The following ZNF99 variants were observed in gnomAD, a reference collection of about 807,000 sequenced individuals.
ZNF99 encodes zinc finger protein 99, also known as zinc finger protein ENSP00000375192.
In ZNF99, 8 loss-of-function variants were observed where a neutral mutation model predicts 12.8. That is an observed-to-expected ratio of 0.62 (90% confidence interval 0.37 to 1.13). The LOEUF (loss-of-function observed/expected upper bound fraction) is 1.13. Ranked by LOEUF, ZNF99 falls within the 50% of genes most tolerant of loss-of-function variation. The pLI is 0.02. For missense variants in ZNF99, 1,007 were observed against 1,006.2 expected (o/e 1.00, Z -0.01); for synonymous variants, 318 against 319.0 (o/e 1.00, Z 0.03).
chr19:22,753,297 T>C lies in ZNF99; in HGVS notation c.*4017A>G, dbSNP rs569062138. ...TATCTAAATTTTAGATTGAAATTATTTTTTTTACTCAACACTCTGATTTAG... is the reference window on the plus strand; with the variant it reads ...TATCTAAATTTTAGATTGAAATTATCTTTTTTACTCAACACTCTGATTTAG... On this transcript the variant is annotated 3_prime_UTR_variant, in exon 4 of 4. Coordinates refer to ENST00000596209, the MANE Select transcript of ZNF99 (RefSeq NM_001080409.3). The C allele has an allele frequency of 6.6e-6, 1 of 152,120 alleles. No individual in the cohort carries two copies. The highest frequency in any genetic ancestry group is 2.4e-5 in the African/African-American group (1 of 41,542). The allele number at this position is 152,120 out of a possible 1,614,324, so 9.4% of individuals were successfully genotyped here. A position where few individuals can be genotyped will look rare whatever the true frequency, so the allele number is the denominator to read the frequency against.
intron 3 of ZNF99, among the ~76,000 whole-genome samples, chr19:22,766,176 C>A (rs1599444692): frequency 7.0e-6 from 1 of 142,916 alleles, no homozygotes. Flanking sequence ...AACATAACTA[C>A]AAAAATTTTA....
chr19:22,769,352 G>C, intron 1 of ZNF99, 28 bp from the exon 2 acceptor site: 1 of 1,585,906 alleles, frequency 6.3e-7, no homozygotes, highest in Non-Finnish European at 8.6e-7. Flanking sequence ...GATACATATA[G>C]ATTTCCCAAT....
Position 22,784,001 on chromosome 19 carries a change from C to G in ZNF99, c.3+13G>C, listed in dbSNP as rs1898504193. The G allele has an allele frequency of 4.3e-6, 7 of 1,613,872 alleles. No individual in the cohort carries two copies. In the East Asian group the frequency reaches 1.6e-4, roughly 36 times the overall value. ...CCTTCCCCTTCTCAGGATATCGGAC[C>G]CGGCACTCTCACCATTTCTAAGCTT... is the stretch of plus-strand genomic sequence containing the variant. On this transcript the variant is annotated intron_variant, in intron 1 of 3. Transcript: ENST00000596209.
At chr19:22,769,078 A>T in intron 2 of ZNF99, 120 bp downstream of exon 2, 1 of 1,105,086 alleles carries the variant, frequency 9.0e-7, no homozygotes, top group Non-Finnish European at 1.3e-6. Flanking sequence ...CCCTGTTTTC[A>T]GAAAACGGGT....
intron 3 of ZNF99, among the ~76,000 whole-genome samples, chr19:22,762,425 C>T (rs1463910363): frequency 1.3e-5 from 2 of 152,024 alleles, no homozygotes; most frequent in East Asian, 1.9e-4. Context: ...GCAACCCACC[C>T]AGCTTAAATC....
rs1420855746 is a variant in ZNF99 at position 22,753,997 on chromosome 19, A to G, written c.*3317T>C. On this transcript the variant is annotated 3_prime_UTR_variant, in exon 4 of 4. Coordinates refer to ENST00000596209, the MANE Select transcript of ZNF99 (RefSeq NM_001080409.3). ...TAGAAAAGTTTAAGGTGTTCTCAAGAGCACTGTCATGTCTTTTAGGTTTGT... is the reference window on the plus strand; with the variant it reads ...TAGAAAAGTTTAAGGTGTTCTCAAGGGCACTGTCATGTCTTTTAGGTTTGT... 1.1e-5 allele frequency: 5 copies of G among 455,932 alleles called. No individual in the cohort carries two copies. The Admixed American group carries it at 1.2e-4, about 11-fold the overall frequency. 28.2% of individuals were successfully genotyped at this position (455,932 alleles called of 1,614,324 possible). A position where few individuals can be genotyped will look rare whatever the true frequency, so the allele number is the denominator to read the frequency against.
chr19:22,769,754 C>CT lies in ZNF99; in HGVS notation c.4-431dup, dbSNP rs554772987. ...CCAGCCTGGGCGACAGAGCTAGACT[C>CT]TGTCTCAAAAAAAAAAAAATAAAGA... On this transcript the variant is annotated intron_variant, in intron 1 of 3. Transcript: ENST00000596209. 2.3e-4 allele frequency among the ~76,000 whole-genome samples: 34 copies of CT among 144,980 alleles called. No individual in the cohort carries two copies. In the South Asian group the frequency reaches 7.3e-3, roughly 31 times the overall value.
rs113622976 is a variant in ZNF99, at chr19:22,760,098, G to A, written c.227-416C>T. Among the ~76,000 whole-genome samples the A allele has an allele frequency of 8.6e-3, 1,302 of 152,200 alleles. 16 individuals are homozygous for A. The highest frequency in any genetic ancestry group is 0.03 in the African/African-American group (1,237 of 41,544). ...GGATTACCTGAGATCAAGGGTTCAA[G>A]ACCAGCCTGGCCAAAATGGAAAAAC... On this transcript the variant is annotated intron_variant, in intron 3 of 3. Transcript: ENST00000596209.
chr19:22,756,464 T>C lies in ZNF99; in HGVS notation c.*850A>G, dbSNP rs760762818. 51 of 1,593,140 alleles carry C rather than the reference T, an allele frequency of 3.2e-5. No homozygotes were observed. The East Asian group carries it at 9.1e-4, about 28-fold the overall frequency. ...CACTCTTCACATTTGTAGGGTTTCT[T>C]TCCAGTATGAATTATCCTATGTTTA... On this transcript the variant is annotated 3_prime_UTR_variant, in exon 4 of 4. Coordinates refer to ENST00000596209, the MANE Select transcript of ZNF99 (RefSeq NM_001080409.3).
chr19:22,766,640 CTTTA>C (rs1973207081), intron 3 of ZNF99, among the ~76,000 whole-genome samples: 1 of 150,250 alleles, frequency 6.7e-6, no homozygotes, highest in Non-Finnish European at 1.5e-5. Context: ...CCCGGCATAA[CTTTA>C]TTTCTTATTT....
At chr19:22,778,496 G>T (rs1346699612) in intron 1 of ZNF99, among the ~76,000 whole-genome samples, 1 of 152,036 alleles carries the variant, frequency 6.6e-6, no homozygotes, top group East Asian at 1.9e-4. Flanking sequence ...TCACAACATT[G>T]TTCTTACTGA....
chr19:22,776,662 C>T (rs1424566304), intron 1 of ZNF99, among the ~76,000 whole-genome samples: 3 of 151,872 alleles, frequency 2.0e-5, no homozygotes, highest in East Asian at 1.9e-4. Flanking sequence ...AGCAGTGTGG[C>T]GATTCCTCAC....
intron 1 of ZNF99, chr19:22,771,195 T>C (rs1973264806): frequency 1.3e-5 from 2 of 150,114 alleles, no homozygotes; most frequent in African/African-American, 4.9e-5. Context: ...CGCCTTAAAG[T>C]GCTGGGGTTA....
At chr19:22,771,783 T>C (rs920411528) in intron 1 of ZNF99, among the ~76,000 whole-genome samples, 1 of 136,464 alleles carries the variant, frequency 7.3e-6, no homozygotes, top group African/African-American at 2.8e-5. Flanking sequence ...AATGGCACCA[T>C]CTCGGCTCAC....
At position 22,757,584 on chromosome 19, in the gene ZNF99, G is replaced by C; in HGVS notation, c.2325C>G (p.Ala775=). ...ECGKAFKHFS[A]LRKHKIIHTG... Reference sequence around the variant, plus strand: ...TATGAATTATCTTATGTTTTCTAAGGGCTGAGAAATGCTTAAAAGCTTTGC... The same window carrying C: ...TATGAATTATCTTATGTTTTCTAAGCGCTGAGAAATGCTTAAAAGCTTTGC... The change falls in exon 4 of 4, where the codon GCC becomes GCG. Residue 775 remains alanine (A), a synonymous_variant. Transcript: ENST00000596209. The C allele has an allele frequency of 6.2e-7, 1 of 1,610,658 alleles. No individual in the cohort carries two copies. Among genetic ancestry groups the C allele is most frequent in the African/African-American group, 1.3e-5 (1 of 74,378 alleles).
chr19:22,776,438 T>C (rs1191675595), intron 1 of ZNF99, among the ~76,000 whole-genome samples: 1 of 38,424 alleles, frequency 2.6e-5, no homozygotes, highest in Admixed American at 2.4e-4. Flanking sequence ...TATATATATA[T>C]ATATATATAT....
chr19:22,766,588 C>T (rs1271542639), intron 3 of ZNF99, among the ~76,000 whole-genome samples: 7 of 151,726 alleles, frequency 4.6e-5, no homozygotes, highest in Non-Finnish European at 8.8e-5. Flanking sequence ...CCACCCACTT[C>T]GGTCTCCCAA....
chr19:22,770,120 G>GC (rs1351890244), intron 1 of ZNF99: 5 of 845,234 alleles, frequency 5.9e-6, no homozygotes, highest in Non-Finnish European at 7.7e-6. Flanking sequence ...CCTGTTTTTG[G>GC]CCCCAAAAGA....
Position 22,757,096 on chromosome 19 carries a change from A to T in ZNF99, c.*218T>A. 1.9e-6 allele frequency: 3 copies of T among 1,612,634 alleles called. No homozygotes were observed. The highest frequency in any genetic ancestry group is 2.5e-6 in the Non-Finnish European group (3 of 1,179,088). Reference sequence around the variant, plus strand: ...GTTTCTTAAGGGTTGAGGAATTGTTAAAAGCTTTTCCACATTCTCCACATT... The same window carrying T: ...GTTTCTTAAGGGTTGAGGAATTGTTTAAAGCTTTTCCACATTCTCCACATT... On this transcript the variant is annotated 3_prime_UTR_variant, in exon 4 of 4. Coordinates refer to ENST00000596209, the MANE Select transcript of ZNF99 (RefSeq NM_001080409.3).
Sources: gnomAD v4.1 joint callset for allele counts (sites outside exome capture counted in the v4.1 genomes callset) on GRCh38, gnomAD v4.1.1 for gene constraint, MANE v1.5 for transcripts, NCBI Gene and HGNC (gene_info 2026-07-23, HGNC 2026-07-21) for gene names.